Variants in SLC35E1 observed in about 807,000 individuals in gnomAD.
SLC35E1 encodes the protein solute carrier family 35, member E1.
A neutral mutation model predicts 31.0 loss-of-function variants in SLC35E1; 12 were observed. That is an observed-to-expected ratio of 0.39 (90% CI 0.25 to 0.63). The LOEUF (loss-of-function observed/expected upper bound fraction) is 0.63, where lower values mean the gene tolerates loss of function less well. Ranked by LOEUF, SLC35E1 falls within the 20% of genes least tolerant of loss-of-function variation. SLC35E1 has a pLI of 0.52. For synonymous variants in SLC35E1, 257 were observed against 264.1 expected (o/e 0.97, Z 0.26); for missense variants, 429 against 572.2 (o/e 0.75, Z 2.55).
rs1290626680 is a variant in SLC35E1 at position 16,551,298 on chromosome 19, C to T, written c.*2381G>A. On this transcript the variant is annotated 3_prime_UTR_variant, in exon 6 of 6. Coordinates refer to ENST00000595753, the MANE Select transcript of SLC35E1 (RefSeq NM_024881.5). ...AAGAGACGAAGCAAGAGGGACACTT[C>T]TGAGGCCGGTGGTGCGGAAACTCAC... is the stretch of plus-strand genomic sequence containing the variant. The T allele has an allele frequency of 6.6e-6, 1 of 152,184 alleles. No homozygotes were observed. The highest frequency in any genetic ancestry group is 2.4e-5 in the African/African-American group (1 of 41,436). 9.4% of individuals were successfully genotyped at this position (152,184 alleles called of 1,614,324 possible). A position where few individuals can be genotyped will look rare whatever the true frequency, so the allele number is the denominator to read the frequency against.
intron 4 of SLC35E1, among the ~76,000 whole-genome samples, chr19:16,561,239 A>AAAAAAAAAAAAAAAAAG (rs1189145208): frequency 7.1e-6 from 1 of 140,974 alleles, no homozygotes; most frequent in Non-Finnish European, 1.5e-5. Context: ...AAAAAAAAAA[A>AAAAAAAAAAAAAAAAAG]AAAAGAAAGA....
intron 3 of SLC35E1, 41 bp from the exon 4 acceptor site, chr19:16,566,698 ATGTG>A: frequency 6.3e-7 from 1 of 1,588,372 alleles, no homozygotes; most frequent in Admixed American, 1.8e-5. Context: ...TTAAAACTAT[ATGTG>A]GCAAAAAGGG....
intron 4 of SLC35E1, among the ~76,000 whole-genome samples, chr19:16,563,439 G>A (rs954467399): frequency 3.9e-5 from 6 of 152,188 alleles, no homozygotes; most frequent in African/African-American, 1.4e-4. Flanking sequence ...TGGAACAGGT[G>A]AACTAGGAGC....
chr19:16,571,667 C>A, intron 1 of SLC35E1, 85 bp from the exon 2 acceptor site: 17 of 1,425,500 alleles, frequency 1.2e-5, no homozygotes, highest in Non-Finnish European at 1.7e-5. Flanking sequence ...ATGGGAGGGC[C>A]TGGCAGCCCC....
intron 4 of SLC35E1, among the ~76,000 whole-genome samples, chr19:16,560,496 C>A (rs1276030680): frequency 6.6e-6 from 1 of 152,146 alleles, no homozygotes; most frequent in Non-Finnish European, 1.5e-5. Flanking sequence ...GAACCTGCTG[C>A]TGCTGCCACC....
At chr19:16,570,881 G>T (rs896107359) in intron 2 of SLC35E1, among the ~76,000 whole-genome samples, 1 of 152,130 alleles carries the variant, frequency 6.6e-6, no homozygotes, top group African/African-American at 2.4e-5. Flanking sequence ...CGGATCACTT[G>T]AGGTCAGGAG....
chr19:16,569,429 T>C (rs934261908), intron 2 of SLC35E1, among the ~76,000 whole-genome samples: 1 of 152,210 alleles, frequency 6.6e-6, no homozygotes, highest in Admixed American at 6.5e-5. Context: ...AGGCACTCAA[T>C]AGCTGCTAGC....
In SLC35E1 at chr19:16,551,690, G is replaced by A. The variant is rs1489477965; in HGVS notation, c.*1989C>T. On this transcript the variant is annotated 3_prime_UTR_variant, in exon 6 of 6. Transcript: ENST00000595753. ...CACAGCTCGGACCTGAGCACTCAGG[G>A]TTACCTACTGGGGTCTTGTCATATT... The A allele has an allele frequency of 1.3e-5, 2 of 151,782 alleles. No individual in the cohort carries two copies. The highest frequency in any genetic ancestry group is 1.5e-5 in the Non-Finnish European group (1 of 68,004). The allele number at this position is 151,782 out of a possible 1,614,324, so 9.4% of individuals were successfully genotyped here.
At chr19:16,557,176 A>C (rs1363028035) in intron 4 of SLC35E1, 1 of 336,904 alleles carries the variant, frequency 3.0e-6, no homozygotes, top group East Asian at 7.7e-5. Context: ...CTGATTTGGC[A>C]GCACGGTGCA....
chr19:16,551,031 G>A lies in SLC35E1; in HGVS notation c.*2648C>T, dbSNP rs1248153927. ...AATTCATTTTGGAGTTCAATAATATGTTCAAAGAATCAGGTACTATATATA... is the reference window on the plus strand; with the variant it reads ...AATTCATTTTGGAGTTCAATAATATATTCAAAGAATCAGGTACTATATATA... On this transcript the variant is annotated 3_prime_UTR_variant, in exon 6 of 6. Transcript: ENST00000595753. 4 of 152,154 alleles carry A rather than the reference G, an allele frequency of 2.6e-5. No individual in the cohort carries two copies. Among genetic ancestry groups the A allele is most frequent in the South Asian group, 2.1e-4 (1 of 4,830 alleles). 9.4% of individuals were successfully genotyped at this position (152,154 alleles called of 1,614,324 possible). A position where few individuals can be genotyped will look rare whatever the true frequency, so the allele number is the denominator to read the frequency against.
rs913485200 is a variant in SLC35E1 at position 16,550,884 on chromosome 19, T to G, written c.*2795A>C. 2.6e-5 allele frequency: 4 copies of G among 152,210 alleles called. No individual in the cohort carries two copies. The highest frequency in any genetic ancestry group is 7.2e-5 in the African/African-American group (3 of 41,446). 9.4% of individuals were successfully genotyped at this position (152,210 alleles called of 1,614,324 possible). A position where few individuals can be genotyped will look rare whatever the true frequency, so the allele number is the denominator to read the frequency against. ...AGAATTAAATAGCCCATTTATTAAT[T>G]TATAAACCATAATAAAACCAGACAG... On this transcript the variant is annotated 3_prime_UTR_variant, in exon 6 of 6. Coordinates refer to ENST00000595753, the MANE Select transcript of SLC35E1 (RefSeq NM_024881.5).
intron 5 of SLC35E1, among the ~76,000 whole-genome samples, chr19:16,554,912 G>T (rs937130508): frequency 6.6e-6 from 1 of 151,954 alleles, no homozygotes; most frequent in Non-Finnish European, 1.5e-5. Context: ...CAGAGCCTTT[G>T]AGAGGAGGGA....
rs2085962095 is a variant in SLC35E1, at chr19:16,572,043, A to T, written c.322T>A (p.Tyr108Asn). Reference sequence around the variant, plus strand: ...GCGAGCGGTAGCACGTAGCGCGGGTAGAAGCGCGGCGGCAGCAGCGGGCCG... The same window carrying T: ...GCGAGCGGTAGCACGTAGCGCGGGTTGAAGCGCGGCGGCAGCAGCGGGCCG... ...SSGPLLPPRF[Y>N]PRYVLPLAFG... Residue 108 changes from tyrosine to asparagine, a missense_variant, in exon 1 of 6, where the codon TAC (tyrosine) becomes AAC (asparagine). Transcript: ENST00000595753. This position sits in a 1 kb window ranked among gnomAD's most constrained non-coding sequence, Gnocchi z 4.1. The T allele has an allele frequency of 6.5e-7, 1 of 1,540,772 alleles. No homozygotes were observed. The highest frequency in any genetic ancestry group is 2.0e-5 in the Admixed American group (1 of 50,356).
At chr19:16,570,563 C>G (rs1261146319) in intron 2 of SLC35E1, among the ~76,000 whole-genome samples, 1 of 152,200 alleles carries the variant, frequency 6.6e-6, no homozygotes, top group Non-Finnish European at 1.5e-5. Context: ...CATGGCTATT[C>G]TTGCCCCAAG....
At chr19:16,562,618 T>C (rs2085912566) in intron 4 of SLC35E1, among the ~76,000 whole-genome samples, 3 of 40,602 alleles carry the variant, frequency 7.4e-5, no homozygotes. Context: ...TATTCTTTAT[T>C]ATAGTATTTT....
At position 16,572,023 on chromosome 19, in the gene SLC35E1, C is replaced by T. The variant is rs2085961908; in HGVS notation, c.342G>A (p.Pro114=). The change falls in exon 1 of 6, where the codon CCG becomes CCA. Residue 114 remains proline (P), a synonymous_variant. Transcript: ENST00000595753. This position sits in a 1 kb window ranked among gnomAD's most constrained non-coding sequence, Gnocchi z 4.1. ...PPRFYPRYVL[P]LAFGKYFASV... is the part of the protein sequence containing the mutation. ...ACGCGAAGTACTTGCCGAAGGCGAGCGGTAGCACGTAGCGCGGGTAGAAGC... is the reference window on the plus strand; with the variant it reads ...ACGCGAAGTACTTGCCGAAGGCGAGTGGTAGCACGTAGCGCGGGTAGAAGC... 6.5e-7 allele frequency: 1 copy of T among 1,544,728 alleles called. No homozygotes were observed. Among genetic ancestry groups the T allele is most frequent in the South Asian group, 1.2e-5 (1 of 83,880 alleles).
At chr19:16,561,421 T>A (rs1420539888) in intron 4 of SLC35E1, among the ~76,000 whole-genome samples, 2 of 152,032 alleles carry the variant, frequency 1.3e-5, no homozygotes, top group Non-Finnish European at 2.9e-5. Flanking sequence ...GGAAGAAGAA[T>A]GACGAACTCA....
Position 16,568,122 on chromosome 19 carries a change from G to A in SLC35E1, c.540C>T (p.Thr180=), listed in dbSNP as rs781130681. Residue 180 remains threonine (T), a synonymous_variant, in exon 3 of 6, where the codon ACC becomes ACT. Coordinates refer to ENST00000595753, the MANE Select transcript of SLC35E1 (RefSeq NM_024881.5). ...IPIISGVLLA[T]VTELSFDMWG... ...ACATGTCAAAAGACAACTCGGTGAC[G>A]GTGGCCAGCAGGACACCGCTGATGA... The A allele has an allele frequency of 2.2e-5, 35 of 1,613,544 alleles. No individual in the cohort carries two copies. Among genetic ancestry groups the A allele is most frequent in the African/African-American group, 2.0e-4 (15 of 74,928 alleles).
At chr19:16,567,541 C>T (rs1283022752) in intron 3 of SLC35E1, among the ~76,000 whole-genome samples, 1 of 152,068 alleles carries the variant, frequency 6.6e-6, no homozygotes, top group Admixed American at 6.6e-5. Flanking sequence ...TCTTATTGAG[C>T]ACATTAACTT....
Sources: allele counts gnomAD v4.1 joint callset (sites outside exome capture counted in the v4.1 genomes callset), GRCh38; gene constraint gnomAD v4.1.1; non-coding constraint Gnocchi (gnomAD v3.1); transcripts MANE v1.5; gene names NCBI Gene and HGNC (gene_info 2026-07-23, HGNC 2026-07-21).